Variants in KRT6A observed in about 807,000 individuals in gnomAD.
The protein encoded by KRT6A is keratin, type II cytoskeletal 6A.
A neutral mutation model predicts 48.6 loss-of-function variants in KRT6A; 28 were observed. The observed-to-expected ratio is 0.58, with a 90% CI of 0.43 to 0.79. KRT6A has a LOEUF of 0.79. Ranked by LOEUF, KRT6A falls within the 30% of genes least tolerant of loss-of-function variation. The pLI is 0.00. For synonymous variants in KRT6A, 301 were observed against 294.2 expected (o/e 1.02, Z -0.24); for missense variants, 687 against 724.3 (o/e 0.95, Z 0.59).
Position 52,487,951 on chromosome 12 carries a change from C to T in KRT6A, c.1464G>A (p.Val488=), listed in dbSNP as rs3194315. 1.4e-5 allele frequency: 22 copies of T among 1,613,910 alleles called. No individual in the cohort carries two copies. The highest frequency in any genetic ancestry group is 4.0e-5 in the African/African-American group (3 of 74,930). The change falls in exon 9 of 9, where the codon GTG becomes GTA. Residue 488 remains valine (V), a synonymous_variant. Transcript: ENST00000330722. ...AGCCACTGGAGACGGTGGACTGCAC[C>T]ACAGCTGTGATGGGGAGGGGACAAG... ...GEGVGQVNIS[V]VQSTVSSGYG...
chr12:52,492,507 G>C lies in KRT6A; in HGVS notation c.540+142C>G. On this transcript the variant is annotated intron_variant, in intron 1 of 8. Transcript: ENST00000330722. ...TGATGCCCATCCCTGCTGCTTGCTG[G>C]GCACCAGCAGCCATCTGCACTCTCT... The C allele has an allele frequency of 2.1e-6, 3 of 1,458,378 alleles. No homozygotes were observed. The Admixed American group carries it at 5.1e-5, about 25-fold the overall frequency. 90.3% of individuals were successfully genotyped at this position (1,458,378 alleles called of 1,614,324 possible). A position where few individuals can be genotyped will look rare whatever the true frequency, so the allele number is the denominator to read the frequency against.
intron 2 of KRT6A, 102 bp downstream of exon 2, chr12:52,491,420 A>T (rs1938259494): frequency 3.4e-6 from 5 of 1,464,768 alleles, no homozygotes; most frequent in Non-Finnish European, 4.8e-6. Context: ...ATTTCCACGG[A>T]CATGGGTTGT....
In KRT6A at chr12:52,487,670, A is replaced by T. The variant is rs1053770; in HGVS notation, c.*50T>A. The stretch of plus-strand genomic sequence containing the variant: ...AGGCAACCTGAGGAGAGGGCTCTGC[A>T]GCCAGAGAGGGGCCTGAGGACTGTG... On this transcript the variant is annotated 3_prime_UTR_variant, in exon 9 of 9. Coordinates refer to ENST00000330722, the MANE Select transcript of KRT6A (RefSeq NM_005554.4). The T allele has an allele frequency of 3.7e-6, 6 of 1,612,762 alleles. No individual in the cohort carries two copies. Among genetic ancestry groups the T allele is most frequent in the South Asian group, 1.1e-5 (1 of 91,008 alleles).
At chr12:52,488,015 A>G in intron 8 of KRT6A, 54 bp downstream of exon 8, 3 of 1,614,184 alleles carry the variant, frequency 1.9e-6, no homozygotes, top group South Asian at 1.1e-5. Flanking sequence ...TGTCAGCCTG[A>G]GCCCAGTCAG....
chr12:52,492,705 C>T lies in KRT6A; in HGVS notation c.484G>A (p.Glu162Lys), dbSNP rs1284391428. 6.2e-7 allele frequency: 1 copy of T among 1,614,076 alleles called. No individual in the cohort carries two copies. The change falls in exon 1 of 9, where the codon GAG becomes AAG. Residue 162 changes from glutamate to lysine, a missense_variant. This residue lies in a region of KRT6A where 566 missense variants were observed against 565.3 expected (regional missense o/e 1.00). Transcript: ENST00000330722. ...IDPTIQRVRAEEREQIKTLNN... is the reference protein window; with the variant it reads ...IDPTIQRVRAKEREQIKTLNN... ...AGGGTCTTGATCTGTTCACGCTCCT[C>T]AGCCCGCACCCGCTGGATGGTGGGA...
chr12:52,488,684 G>T (rs1485975931), intron 6 of KRT6A, 136 bp from the exon 7 acceptor site: 72 of 1,028,858 alleles, frequency 7.0e-5, no homozygotes, highest in South Asian at 3.1e-4. Flanking sequence ...CCTATCTATT[G>T]TTTTTTTTTT....
rs201568563 is a variant in KRT6A, at chr12:52,491,593, A to T, written c.684T>A (p.Ile228=). The part of the protein sequence containing the change: ...INNLRRQLDS[I]VGERGRLDSE... Reference sequence around the variant, plus strand: ...AGTCCAGGCGGCCCCGTTCCCCGACAATGCTGTCCAGCTGCCTCCTGAGGT... The same window carrying T: ...AGTCCAGGCGGCCCCGTTCCCCGACTATGCTGTCCAGCTGCCTCCTGAGGT... Residue 228 remains isoleucine, a synonymous_variant, in exon 2 of 9, where the codon ATT becomes ATA. Coordinates refer to ENST00000330722, the MANE Select transcript of KRT6A (RefSeq NM_005554.4). 1.2e-6 allele frequency: 2 copies of T among 1,608,634 alleles called. No individual in the cohort carries two copies. The highest frequency in any genetic ancestry group is 1.7e-5 in the Admixed American group (1 of 58,710).
rs1938289369 is a variant in KRT6A, at chr12:52,492,654, C to G, written c.535G>C (p.Asp179His). 6.2e-7 allele frequency: 1 copy of G among 1,614,012 alleles called. No homozygotes were observed. Among genetic ancestry groups the G allele is most frequent in the Admixed American group, 1.7e-5 (1 of 60,022 alleles). The change falls in exon 1 of 9, where the codon GAC becomes CAC. Residue 179 changes from aspartate (D) to histidine (H), a missense_variant. Asp to His is a moderately conservative substitution (Grantham distance 81). This residue lies in a region of KRT6A where 566 missense variants were observed against 565.3 expected (regional missense o/e 1.00). Coordinates refer to ENST00000330722, the MANE Select transcript of KRT6A (RefSeq NM_005554.4). ...AGGGCATGGCACTGGCTCACCTTGT[C>G]GATGAAGGAGGCAAACTTGTTGTTG... The part of the protein sequence containing the change: ...TLNNKFASFI[D>H]KVRFLEQQNK...
chr12:52,488,390 G>T lies in KRT6A; in HGVS notation c.1362C>A (p.Val454=), dbSNP rs768118281. ...CGATCTCCACGTCCAGGGCCAGCTT[G>T]ACATTCATCAGCTCCTGGTACTCCT... ...LLKEYQELMN[V]KLALDVEIAT... is the part of the protein sequence containing the mutation. The change falls in exon 7 of 9, where the codon GTC becomes GTA. Residue 454 remains valine (V), a synonymous_variant. Coordinates refer to ENST00000330722, the MANE Select transcript of KRT6A (RefSeq NM_005554.4). 4.3e-6 allele frequency: 7 copies of T among 1,614,166 alleles called. No homozygotes were observed. The highest frequency in any genetic ancestry group is 1.1e-5 in the South Asian group (1 of 91,078).
rs574553595 is a variant in KRT6A, at chr12:52,490,925, A to C, written c.845T>G (p.Val282Gly). 2.2e-5 allele frequency: 35 copies of C among 1,613,914 alleles called. No homozygotes were observed. In the East Asian group the frequency reaches 5.3e-4, roughly 25 times the overall value. The change falls in exon 4 of 9, where the codon GTT becomes GGT. Residue 282 changes from valine (V) to glycine (G), a missense_variant. Around this residue, in one of 3 missense-constraint regions of KRT6A, gnomAD observed 566 missense variants for 565.3 expected, o/e 1.00. Coordinates refer to ENST00000330722, the MANE Select transcript of KRT6A (RefSeq NM_005554.4). ...AGTGTCTGCCTTGGCTTGCAGTTCAACCTTGTTCATGTAGGCAGCATCCAC... is the reference window on the plus strand; with the variant it reads ...AGTGTCTGCCTTGGCTTGCAGTTCACCCTTGTTCATGTAGGCAGCATCCAC... ...KDVDAAYMNKVELQAKADTLT... is the reference protein window; with the variant it reads ...KDVDAAYMNKGELQAKADTLT...
Position 52,487,471 on chromosome 12 carries a change from A to T in KRT6A, c.*249T>A, listed in dbSNP as rs985647395. Reference sequence around the variant, plus strand: ...ACTGGAGGCAAGAAATTAATAATTTAGTAACAGTGAAGCTCCAGTGGTGAT... The same window carrying T: ...ACTGGAGGCAAGAAATTAATAATTTTGTAACAGTGAAGCTCCAGTGGTGAT... On this transcript the variant is annotated 3_prime_UTR_variant, in exon 9 of 9. Transcript: ENST00000330722. 41 of 552,464 alleles carry T rather than the reference A, an allele frequency of 7.4e-5. No homozygotes were observed. Among genetic ancestry groups the T allele is most frequent in the Middle Eastern group, 4.7e-4 (1 of 2,146 alleles). The allele number at this position is 552,464 out of a possible 1,614,324, so 34.2% of individuals were successfully genotyped here. A position where few individuals can be genotyped will look rare whatever the true frequency, so the allele number is the denominator to read the frequency against.
In KRT6A at chr12:52,487,632, G is replaced by T; in HGVS notation, c.*88C>A. On this transcript the variant is annotated 3_prime_UTR_variant, in exon 9 of 9. Coordinates refer to ENST00000330722, the MANE Select transcript of KRT6A (RefSeq NM_005554.4). ...CCTGGGACAGCAGGGGAGACTGGAGGCCAGGAGAGGAAAGGCAACCTGAGG... is the reference window on the plus strand; with the variant it reads ...CCTGGGACAGCAGGGGAGACTGGAGTCCAGGAGAGGAAAGGCAACCTGAGG... 1.3e-6 allele frequency: 2 copies of T among 1,544,278 alleles called. No individual in the cohort carries two copies. The highest frequency in any genetic ancestry group is 1.1e-5 in the South Asian group (1 of 88,412).
rs1228985171 is a variant in KRT6A, at chr12:52,488,052, C to A, written c.1459+17G>T. 1.9e-6 allele frequency: 3 copies of A among 1,614,110 alleles called. No individual in the cohort carries two copies. Among genetic ancestry groups the A allele is most frequent in the South Asian group, 2.2e-5 (2 of 91,082 alleles). Reference sequence around the variant, plus strand: ...AGAGTGCGAGGGCAGGGGAGGAAGGCAAGCAAAGGTACTTACAGATGTTGA... The same window carrying A: ...AGAGTGCGAGGGCAGGGGAGGAAGGAAAGCAAAGGTACTTACAGATGTTGA... On this transcript the variant is annotated intron_variant, in intron 8 of 8. Transcript: ENST00000330722.
At chr12:52,488,160 C>T (rs1317974498) in intron 7 of KRT6A, 57 bp from the exon 8 acceptor site, 1 of 1,613,814 alleles carries the variant, frequency 6.2e-7, no homozygotes, top group East Asian at 2.2e-5. Flanking sequence ...TTCCCTGGAC[C>T]AGCGTGGGCA....
rs1480257377 is a variant in KRT6A, at chr12:52,490,685, A to G, written c.961T>C (p.Ser321Pro). Residue 321 changes from serine to proline, a missense_variant, in exon 5 of 9, where the codon TCC (serine) becomes CCC (proline). Ser to Pro is a moderately conservative substitution (Grantham distance 74, BLOSUM62 -1). Transcript: ENST00000330722. ...TCCAGGTTGCGGTTGTTGTCCATGGACAGCACCACAGATGTGTCTGAGATG... is the reference window on the plus strand; with the variant it reads ...TCCAGGTTGCGGTTGTTGTCCATGGGCAGCACCACAGATGTGTCTGAGATG... ...THISDTSVVL[S>P]MDNNRNLDLD... 1.2e-6 allele frequency: 2 copies of G among 1,614,198 alleles called. No homozygotes were observed. The highest frequency in any genetic ancestry group is 2.2e-5 in the East Asian group (1 of 44,882).
At chr12:52,489,005 T>A (rs1233828951) in intron 6 of KRT6A, among the ~76,000 whole-genome samples, 1 of 152,230 alleles carries the variant, frequency 6.6e-6, no homozygotes. Flanking sequence ...TCTCATCTAC[T>A]GTTCTTTGTC....
chr12:52,490,939 G>A lies in KRT6A; in HGVS notation c.831C>T (p.Ala277=), dbSNP rs778915093. 3 of 1,613,770 alleles carry A rather than the reference G, an allele frequency of 1.9e-6. No homozygotes were observed. Among genetic ancestry groups the A allele is most frequent in the South Asian group, 2.2e-5 (2 of 91,068 alleles). ...CTTGCAGTTCAACCTTGTTCATGTA[G>A]GCAGCATCCACATCCTGGGGAAAGA... is the stretch of plus-strand genomic sequence containing the variant. ...FVTLKKDVDA[A]YMNKVELQAK... is the part of the protein sequence containing the mutation. Residue 277 remains alanine (A), a synonymous_variant, in exon 4 of 9, where the codon GCC becomes GCT. Transcript: ENST00000330722.
chr12:52,490,036 A>T lies in KRT6A; in HGVS notation c.1110T>A (p.His370Gln). The change falls in exon 6 of 9, where the codon CAT (histidine) becomes CAA (glutamine). Residue 370 changes from histidine (H) to glutamine (Q), a missense_variant. Physicochemically the swap from His to Gln is conservative, Grantham distance 24. Coordinates refer to ENST00000330722, the MANE Select transcript of KRT6A (RefSeq NM_005554.4). ...GCTTGGTGTTGCGCAGGTCGTCCCC[A>T]TGTCTGCCTGCTGTGACCTGCAGCT... ...YEELQVTAGR[H>Q]GDDLRNTKQE... The T allele has an allele frequency of 6.2e-7, 1 of 1,613,964 alleles. No homozygotes were observed. Among genetic ancestry groups the T allele is most frequent in the Non-Finnish European group, 8.5e-7 (1 of 1,180,000 alleles).
intron 6 of KRT6A, 81 bp downstream of exon 6, chr12:52,489,862 A>G: frequency 6.2e-7 from 1 of 1,609,662 alleles, no homozygotes; most frequent in South Asian, 1.1e-5. Context: ...GTTCCAGGGG[A>G]TTTTCCCTAA....
Sources: allele counts gnomAD v4.1 joint callset (sites outside exome capture counted in the v4.1 genomes callset), GRCh38; gene constraint gnomAD v4.1.1; regional missense constraint gnomAD v4.1.1; transcripts MANE v1.5; gene names NCBI Gene and HGNC (gene_info 2026-07-23, HGNC 2026-07-21).